The following PABPC4L variants were observed in gnomAD, a reference collection of about 807,000 sequenced individuals.
PABPC4L encodes the protein poly(A) binding protein cytoplasmic 4 like, also known as polyadenylate-binding protein 4-like.
For synonymous variants in PABPC4L, 169 were observed against 164.1 expected (o/e 1.03, Z -0.23); for missense variants, 452 against 451.4 (o/e 1.00, Z -0.01).
At chr4:134,022,738 A>T in the PABPC4L span, among the ~76,000 whole-genome samples, 1 of 151,944 alleles carries the variant, frequency 6.6e-6, no homozygotes. Flanking sequence ...CATCAGCTTG[A>T]GGTGTAGCCT....
the PABPC4L span, among the ~76,000 whole-genome samples, chr4:133,990,233 T>C: frequency 3.9e-3 from 597 of 152,306 alleles, 6 homozygotes; most frequent in African/African-American, 0.014. Flanking sequence ...ACTCCATTTT[T>C]CCAAAAGCAT....
the PABPC4L span, among the ~76,000 whole-genome samples, chr4:134,133,023 ATATAT>A: frequency 1.0e-5 from 1 of 98,978 alleles, no homozygotes. Flanking sequence ...AGTATATACT[ATATAT>A]AATATATTTC....
the PABPC4L span, among the ~76,000 whole-genome samples, chr4:134,156,407 T>G: frequency 6.6e-6 from 1 of 151,912 alleles, no homozygotes; most frequent in East Asian, 1.9e-4. Flanking sequence ...TTGACAACAT[T>G]AATGTGGAAA....
chr4:134,017,184 G>A, the PABPC4L span, among the ~76,000 whole-genome samples: 1 of 152,132 alleles, frequency 6.6e-6, no homozygotes, highest in Non-Finnish European at 1.5e-5. Context: ...AGGAAAGATA[G>A]AACAGACTAA....
the PABPC4L span, among the ~76,000 whole-genome samples, chr4:134,102,977 T>C: frequency 2.6e-5 from 4 of 151,476 alleles, no homozygotes; most frequent in African/African-American, 9.7e-5. Flanking sequence ...ATTATATTTG[T>C]ATTTCTACAT....
At chr4:133,983,093 C>A in the PABPC4L span, among the ~76,000 whole-genome samples, 2 of 151,882 alleles carry the variant, frequency 1.3e-5, no homozygotes, top group African/African-American at 4.8e-5. Context: ...TTTGTCCAGA[C>A]CTTTCAAAGA....
At chr4:134,053,853 C>T in the PABPC4L span, among the ~76,000 whole-genome samples, 73 of 151,970 alleles carry the variant, frequency 4.8e-4, 1 homozygote, top group Admixed American at 4.5e-3. Context: ...AAAACCATGA[C>T]GAAAAGTAAT....
the PABPC4L span, among the ~76,000 whole-genome samples, chr4:134,116,588 AT>A: frequency 6.6e-6 from 1 of 151,790 alleles, no homozygotes; most frequent in Non-Finnish European, 1.5e-5. Flanking sequence ...TTACTTACTT[AT>A]TTCTATCTAT....
the PABPC4L span, among the ~76,000 whole-genome samples, chr4:134,076,485 C>A: frequency 9.2e-5 from 14 of 152,020 alleles, no homozygotes; most frequent in East Asian, 2.7e-3. Context: ...GACATACATG[C>A]GAGAGAATCA....
the PABPC4L span, among the ~76,000 whole-genome samples, chr4:134,179,404 G>GA: frequency 6.6e-6 from 1 of 152,114 alleles, no homozygotes; most frequent in Non-Finnish European, 1.5e-5. Context: ...ATATGGAAAA[G>GA]AAAGACCTTT....
At chr4:134,079,949 T>A in the PABPC4L span, among the ~76,000 whole-genome samples, 1 of 152,042 alleles carries the variant, frequency 6.6e-6, no homozygotes, top group Non-Finnish European at 1.5e-5. Flanking sequence ...AAAATACAAC[T>A]AATGAGTATA....
the PABPC4L span, among the ~76,000 whole-genome samples, chr4:133,950,700 A>C: frequency 6.6e-6 from 1 of 152,280 alleles, no homozygotes; most frequent in South Asian, 2.1e-4. Context: ...AGATATCTGG[A>C]ATTAGGCTAA....
the PABPC4L span, among the ~76,000 whole-genome samples, chr4:134,185,761 T>C: frequency 1.3e-5 from 2 of 152,256 alleles, no homozygotes; most frequent in Non-Finnish European, 2.9e-5. Context: ...TGTTTGCAGA[T>C]GACATGATTG....
chr4:134,160,098 A>T, the PABPC4L span, among the ~76,000 whole-genome samples: 1 of 152,124 alleles, frequency 6.6e-6, no homozygotes, highest in Non-Finnish European at 1.5e-5. Context: ...CAGGACCTTG[A>T]ATAAAAATGA....
At chr4:134,024,519 A>T in the PABPC4L span, among the ~76,000 whole-genome samples, 1 of 151,932 alleles carries the variant, frequency 6.6e-6, no homozygotes, top group Non-Finnish European at 1.5e-5. Flanking sequence ...GAAGAGGGAG[A>T]GCTGTCTGGT....
At chr4:134,119,958 T>C in the PABPC4L span, among the ~76,000 whole-genome samples, 1 of 151,628 alleles carries the variant, frequency 6.6e-6, no homozygotes, top group African/African-American at 2.4e-5. Context: ...TTTTAATCCA[T>C]TTTAACCTTG....
At chr4:133,972,412 C>A in the PABPC4L span, among the ~76,000 whole-genome samples, 1 of 151,990 alleles carries the variant, frequency 6.6e-6, no homozygotes, top group African/African-American at 2.4e-5. Context: ...GTCACACATA[C>A]CCCCCTGTTT....
the PABPC4L span, among the ~76,000 whole-genome samples, chr4:133,951,484 C>T: frequency 6.6e-6 from 1 of 152,076 alleles, no homozygotes. Context: ...GGTCAGATTT[C>T]GACTCTCCTC....
At chr4:134,160,287 T>C in the PABPC4L span, among the ~76,000 whole-genome samples, 2 of 152,042 alleles carry the variant, frequency 1.3e-5, no homozygotes, top group African/African-American at 2.4e-5. Context: ...TCCCTTCTGA[T>C]TGGAGAAAAG....
Sources: gnomAD v4.1 joint callset for allele counts (sites outside exome capture counted in the v4.1 genomes callset) on GRCh38, gnomAD v4.1.1 for gene constraint, MANE v1.5 for transcripts, NCBI Gene and HGNC (gene_info 2026-07-23, HGNC 2026-07-21) for gene names.